Variants in AFG2A observed in about 807,000 individuals in gnomAD.
AFG2A encodes AAA ATPase AFG2A.
At chr4:123,209,391 G>C in the AFG2A span, among the ~76,000 whole-genome samples, 9 of 151,970 alleles carry the variant, frequency 5.9e-5, no homozygotes, top group African/African-American at 1.9e-4. Context: ...TGTATTGATT[G>C]CTGTGGTATG....
At chr4:122,983,869 T>A in the AFG2A span, among the ~76,000 whole-genome samples, 1 of 152,188 alleles carries the variant, frequency 6.6e-6, no homozygotes, top group African/African-American at 2.4e-5. Flanking sequence ...TGGCTAGACC[T>A]AGAAGACAGA....
At chr4:123,164,603 T>C in the AFG2A span, among the ~76,000 whole-genome samples, 2 of 152,308 alleles carry the variant, frequency 1.3e-5, no homozygotes, top group Admixed American at 6.5e-5. Context: ...CCCCACTATG[T>C]CTAGCAAAAA....
At chr4:123,073,612 T>C in the AFG2A span, among the ~76,000 whole-genome samples, 1 of 152,146 alleles carries the variant, frequency 6.6e-6, no homozygotes, top group African/African-American at 2.4e-5. Context: ...TTCTCTCAGG[T>C]GGTTGTACTC....
At chr4:122,978,291 G>A in the AFG2A span, among the ~76,000 whole-genome samples, 3 of 152,180 alleles carry the variant, frequency 2.0e-5, no homozygotes, top group African/African-American at 7.2e-5. Flanking sequence ...ACCCGGAGTG[G>A]GTAGCTCCTT....
chr4:123,212,384 G>A, the AFG2A span, among the ~76,000 whole-genome samples: 4 of 151,998 alleles, frequency 2.6e-5, no homozygotes, highest in Non-Finnish European at 4.4e-5. Flanking sequence ...CAGTTGTTCC[G>A]TGATTTTTGT....
the AFG2A span, chr4:122,933,971 T>A: frequency 1.8e-6 from 2 of 1,131,330 alleles, no homozygotes; most frequent in Non-Finnish European, 2.4e-6. Context: ...TTTATGACAA[T>A]TATTTTATTA....
chr4:123,167,698 T>C, the AFG2A span, among the ~76,000 whole-genome samples: 1 of 152,130 alleles, frequency 6.6e-6, no homozygotes, highest in East Asian at 1.9e-4. Context: ...GTAAAGAAAA[T>C]ACCTCAAACT....
chr4:123,191,037 C>T, the AFG2A span, among the ~76,000 whole-genome samples: 4 of 152,148 alleles, frequency 2.6e-5, no homozygotes, highest in African/African-American at 9.7e-5. Flanking sequence ...GTCTAGGAAG[C>T]ACTTTTCATG....
At chr4:123,241,863 G>T in the AFG2A span, among the ~76,000 whole-genome samples, 2 of 152,166 alleles carry the variant, frequency 1.3e-5, no homozygotes, top group Non-Finnish European at 2.9e-5. Context: ...CAGATGACAT[G>T]ATTGTATATT....
At chr4:123,001,279 A>C in the AFG2A span, among the ~76,000 whole-genome samples, 1 of 152,092 alleles carries the variant, frequency 6.6e-6, no homozygotes, top group Non-Finnish European at 1.5e-5. Flanking sequence ...AATGTTTTGA[A>C]GGGTTTTTTG....
chr4:122,963,238 A>G, the AFG2A span, among the ~76,000 whole-genome samples: 1 of 152,220 alleles, frequency 6.6e-6, no homozygotes, highest in African/African-American at 2.4e-5. Flanking sequence ...TGTTATGTGA[A>G]TGATCAGGGT....
chr4:123,211,483 C>A, the AFG2A span, among the ~76,000 whole-genome samples: 1 of 152,038 alleles, frequency 6.6e-6, no homozygotes, highest in Non-Finnish European at 1.5e-5. Context: ...TATATACCAC[C>A]CAGTGAAGCA....
the AFG2A span, among the ~76,000 whole-genome samples, chr4:123,131,386 G>A: frequency 6.6e-6 from 1 of 151,834 alleles, no homozygotes. Flanking sequence ...TTCTATCTTA[G>A]CAGTTTCTAA....
At chr4:123,168,147 T>C in the AFG2A span, among the ~76,000 whole-genome samples, 2 of 152,154 alleles carry the variant, frequency 1.3e-5, no homozygotes, top group Non-Finnish European at 2.9e-5. Flanking sequence ...GCCAGGATAA[T>C]GCCAGTTTGG....
chr4:123,203,237 C>T, the AFG2A span, among the ~76,000 whole-genome samples: 6 of 151,836 alleles, frequency 4.0e-5, no homozygotes, highest in South Asian at 4.2e-4. Context: ...CTGCAACCTC[C>T]GCTCCCAGGT....
chr4:123,310,423 G>C, the AFG2A span, among the ~76,000 whole-genome samples: 1 of 152,132 alleles, frequency 6.6e-6, no homozygotes, highest in Non-Finnish European at 1.5e-5. Flanking sequence ...TTCCCACCTT[G>C]CTGCTTCTCT....
chr4:122,992,270 C>T, the AFG2A span, among the ~76,000 whole-genome samples: 1 of 152,166 alleles, frequency 6.6e-6, no homozygotes, highest in Non-Finnish European at 1.5e-5. Context: ...AATCCATGGA[C>T]TTGTGCCATT....
chr4:123,175,021 C>A, the AFG2A span, among the ~76,000 whole-genome samples: 1 of 151,924 alleles, frequency 6.6e-6, no homozygotes, highest in South Asian at 2.1e-4. Context: ...TGGGGTTTCA[C>A]CATTTTGCCC....
the AFG2A span, among the ~76,000 whole-genome samples, chr4:122,975,252 C>T: frequency 2.6e-5 from 4 of 151,864 alleles, no homozygotes; most frequent in African/African-American, 4.9e-5. Flanking sequence ...AGGAGAGGAA[C>T]GTTGTGTCCT....
Sources: gnomAD v4.1 joint callset for allele counts (sites outside exome capture counted in the v4.1 genomes callset) on GRCh38, gnomAD v4.1.1 for gene constraint, MANE v1.5 for transcripts, NCBI Gene and HGNC (gene_info 2026-07-23, HGNC 2026-07-21) for gene names.